AIG1: variants seen among roughly 807,000 people sequenced by gnomAD.
AIG1 encodes androgen-induced gene 1 protein.
A neutral mutation model predicts 31.4 loss-of-function variants in AIG1; 23 were observed. That is an observed-to-expected ratio of 0.73 (90% CI 0.53 to 1.04). The LOEUF is 1.04. AIG1 is among the 50% of genes least tolerant of loss of function. The probability of loss-of-function intolerance (pLI) is 0.00; values close to 1 mark genes in which losing one functional copy is unlikely to be tolerated. For synonymous variants in AIG1, 100 were observed against 110.5 expected (o/e 0.90, Z 0.60); for missense variants, 274 against 295.0 (o/e 0.93, Z 0.52).
chr6:143,160,181 C>G (rs1463196928), intron 2 of AIG1, among the ~76,000 whole-genome samples: 1 of 152,160 alleles, frequency 6.6e-6, no homozygotes, highest in African/African-American at 2.4e-5. Flanking sequence ...ATAGACCAAT[C>G]TATAGATAAG....
upstream of AIG1, chr6:143,060,873 C>A: frequency 7.9e-7 from 1 of 1,260,504 alleles, no homozygotes; most frequent in South Asian, 2.6e-5. Flanking sequence ...CGCCCGGCGC[C>A]TCCCTCACGC....
intron 1 of AIG1, among the ~76,000 whole-genome samples, chr6:143,129,933 C>CTTT (rs917523183): frequency 1.5e-5 from 2 of 134,806 alleles, no homozygotes; most frequent in Non-Finnish European, 3.2e-5. Flanking sequence ...TAAATAGACA[C>CTTT]TTTTTTTTTT....
At chr6:143,124,423 A>G (rs1782509745) in intron 1 of AIG1, among the ~76,000 whole-genome samples, 1 of 151,996 alleles carries the variant, frequency 6.6e-6, no homozygotes, top group African/African-American at 2.4e-5. Context: ...AGCCCTCCCA[A>G]CGAGGACACT....
intron 3 of AIG1, among the ~76,000 whole-genome samples, chr6:143,252,810 A>G (rs1480564027): frequency 6.6e-6 from 1 of 152,218 alleles, no homozygotes; most frequent in Non-Finnish European, 1.5e-5. Flanking sequence ...TTCTCAAAGT[A>G]CAATCAAAAT....
intron 4 of AIG1, among the ~76,000 whole-genome samples, chr6:143,285,961 G>A (rs1040212113): frequency 6.6e-6 from 1 of 152,110 alleles, no homozygotes; most frequent in Non-Finnish European, 1.5e-5. Context: ...TGCCACAGAT[G>A]TTTAAAACAT....
chr6:143,162,772 G>T (rs1024366043), intron 2 of AIG1, among the ~76,000 whole-genome samples: 9 of 152,132 alleles, frequency 5.9e-5, no homozygotes, highest in African/African-American at 9.7e-5. Context: ...CACATTTATC[G>T]CACAGTCTAC....
intron 1 of AIG1, among the ~76,000 whole-genome samples, chr6:143,113,521 T>G (rs1781468153): frequency 6.7e-6 from 1 of 150,104 alleles, no homozygotes; most frequent in African/African-American, 2.5e-5. Flanking sequence ...GTGAATCGCT[T>G]GAACTCAGGA....
chr6:143,203,179 A>G (rs1562486434), intron 3 of AIG1, among the ~76,000 whole-genome samples: 1 of 152,324 alleles, frequency 6.6e-6, no homozygotes, highest in East Asian at 1.9e-4. Flanking sequence ...AAAATAACTG[A>G]ACAAGATTTA....
At chr6:143,276,251 G>A (rs561502366) in intron 3 of AIG1, among the ~76,000 whole-genome samples, 123 of 152,286 alleles carry the variant, frequency 8.1e-4, no homozygotes, top group Non-Finnish European at 1.5e-3. Context: ...TTTATTTGGC[G>A]TAATTATTAA....
rs9390083 is a variant in AIG1, at chr6:143,326,528, C to G, written c.516-6754C>G. On this transcript the variant is annotated intron_variant, in intron 4 of 5. Transcript: ENST00000357847. The surrounding 1 kb of genome is among the most constrained non-coding windows in gnomAD (Gnocchi z 4.5). ...AAAAATAAACAGTCCCTCACCCCAC[C>G]GAACTTACACTGTAGAGGGGGAGAA... Among the ~76,000 whole-genome samples the G allele has an allele frequency of 0.14, 21,419 of 151,998 alleles. 1,676 individuals carry two copies. Among genetic ancestry groups the G allele is most frequent in the South Asian group, 0.22 (1,051 of 4,806 alleles).
chr6:143,130,550 C>T (rs1783129300), intron 1 of AIG1, among the ~76,000 whole-genome samples: 1 of 151,828 alleles, frequency 6.6e-6, no homozygotes, highest in Admixed American at 6.6e-5. Context: ...GAGACCCCAT[C>T]TCTACTAAAA....
intron 5 of AIG1, chr6:143,337,850 C>T: frequency 2.5e-6 from 1 of 397,184 alleles, no homozygotes; most frequent in Non-Finnish European, 4.4e-6. Flanking sequence ...CTTGTCCCCT[C>T]TGGTCCCAAA....
intron 3 of AIG1, among the ~76,000 whole-genome samples, chr6:143,260,017 C>CTTTTTTTTTTTT (rs35620148): frequency 1.2e-5 from 1 of 85,118 alleles, no homozygotes; most frequent in Admixed American, 1.5e-4. Flanking sequence ...TCTTGTGCTT[C>CTTTTTTTTTTTT]TTTTTTTTTT....
At chr6:143,088,404 G>A (rs1249124748) in intron 1 of AIG1, among the ~76,000 whole-genome samples, 2 of 152,124 alleles carry the variant, frequency 1.3e-5, no homozygotes, top group Non-Finnish European at 2.9e-5. Flanking sequence ...GATTACTTCT[G>A]TATCAGCCCA....
chr6:143,269,242 G>T (rs943505164), intron 3 of AIG1, among the ~76,000 whole-genome samples: 1 of 152,218 alleles, frequency 6.6e-6, no homozygotes, highest in Non-Finnish European at 1.5e-5. Context: ...TGAGTCAGAA[G>T]GTGATAAGTT....
chr6:143,290,147 G>T (rs9376737), intron 4 of AIG1, among the ~76,000 whole-genome samples: 45,776 of 151,982 alleles, frequency 0.3, 8,101 homozygotes, highest in East Asian at 0.74. Context: ...AGTTCTTGCC[G>T]CCTCAGAAGA....
chr6:143,089,189 A>G (rs538712619), intron 1 of AIG1, among the ~76,000 whole-genome samples: 2 of 150,610 alleles, frequency 1.3e-5, no homozygotes, highest in Admixed American at 6.6e-5. Context: ...AGCCTGGGCA[A>G]CAGAGTGAGA....
At chr6:143,095,901 CTTTTTT>C (rs372161832) in intron 1 of AIG1, among the ~76,000 whole-genome samples, 1 of 103,696 alleles carries the variant, frequency 9.6e-6, no homozygotes, top group South Asian at 3.6e-4. Flanking sequence ...GCTACTTTAT[CTTTTTT>C]TTTTTTTTTT....
chr6:143,208,823 A>G (rs1298361048), intron 3 of AIG1, among the ~76,000 whole-genome samples: 1 of 152,042 alleles, frequency 6.6e-6, no homozygotes, highest in African/African-American at 2.4e-5. Context: ...AGGATCCTTA[A>G]AAAAAATCTC....
Sources: gnomAD v4.1 joint callset for allele counts (sites outside exome capture counted in the v4.1 genomes callset) on GRCh38, gnomAD v4.1.1 for gene constraint, Gnocchi (gnomAD v3.1) non-coding constraint, MANE v1.5 for transcripts, NCBI Gene and HGNC (gene_info 2026-07-23, HGNC 2026-07-21) for gene names.